Variants in TMOD1 observed in about 807,000 individuals in gnomAD.
TMOD1 encodes tropomodulin-1.
Under a neutral mutation model 40.6 loss-of-function variants are expected in TMOD1, and 17 were observed. The ratio of observed to expected loss-of-function variants is 0.42; its 90% CI spans 0.29 to 0.63. TMOD1 has a LOEUF of 0.63. TMOD1 is among the 20% of genes least tolerant of loss of function. The probability of loss-of-function intolerance (pLI) is 0.22; values close to 1 mark genes in which losing one functional copy is unlikely to be tolerated. For synonymous variants in TMOD1, 181 were observed against 175.0 expected (o/e 1.03, Z -0.27); for missense variants, 391 against 447.6 (o/e 0.87, Z 1.14).
intron 1 of TMOD1, among the ~76,000 whole-genome samples, chr9:97,507,907 G>A (rs1229136840): frequency 6.6e-6 from 1 of 152,170 alleles, no homozygotes; most frequent in Non-Finnish European, 1.5e-5. Flanking sequence ...ACTAGACAGA[G>A]GGCATAGTAG....
At chr9:97,511,075 C>G (rs1829688721) in intron 1 of TMOD1, among the ~76,000 whole-genome samples, 1 of 118,980 alleles carries the variant, frequency 8.4e-6, no homozygotes, top group Non-Finnish European at 1.7e-5. Context: ...CGCGCGCACA[C>G]ACACACACAG....
At chr9:97,538,441 AGATTG>A (rs1245649648) in intron 2 of TMOD1, among the ~76,000 whole-genome samples, 1 of 148,838 alleles carries the variant, frequency 6.7e-6, no homozygotes, top group Non-Finnish European at 1.5e-5. Context: ...TGGTGGAGTC[AGATTG>A]ATGCTTCCCT....
chr9:97,592,733 C>G (rs1478792679), intron 9 of TMOD1, among the ~76,000 whole-genome samples: 2 of 151,678 alleles, frequency 1.3e-5, no homozygotes, highest in Non-Finnish European at 2.9e-5. Context: ...CACAGGATTA[C>G]ACACACACAC....
chr9:97,560,862 C>CA (rs997852783), intron 4 of TMOD1, among the ~76,000 whole-genome samples: 21 of 146,302 alleles, frequency 1.4e-4, no homozygotes, highest in Non-Finnish European at 2.0e-4. Flanking sequence ...GACTCCATCT[C>CA]AAAAAAAAAA....
chr9:97,531,369 TTG>T (rs1416986750), intron 2 of TMOD1, among the ~76,000 whole-genome samples: 1 of 151,986 alleles, frequency 6.6e-6, no homozygotes, highest in Non-Finnish European at 1.5e-5. Flanking sequence ...TCAGCAGTTT[TTG>T]GGGCCAAGGC....
In TMOD1 at chr9:97,600,210, C is replaced by A; in HGVS notation, c.*512C>A. ...TCGATTAAAGTTGCCAAATTGATTA[C>A]TGGATCCAGAACACAATTTTCCCCT... is the stretch of plus-strand genomic sequence containing the variant. On this transcript the variant is annotated 3_prime_UTR_variant, in exon 10 of 10. Transcript: ENST00000259365. The A allele has an allele frequency of 1.0e-6, 1 of 995,232 alleles. No individual in the cohort carries two copies. Among genetic ancestry groups the A allele is most frequent in the Non-Finnish European group, 1.2e-6 (1 of 834,810 alleles). 61.7% of individuals were successfully genotyped at this position (995,232 alleles called of 1,614,324 possible).
chr9:97,600,003 C>A lies in TMOD1; in HGVS notation c.*305C>A. ...CAGCAGCGACTTAGCCCCAGGAGCC[C>A]AGTTTCAATGGCCTTGCTGTGTGGT... On this transcript the variant is annotated 3_prime_UTR_variant, in exon 10 of 10. Coordinates refer to ENST00000259365, the MANE Select transcript of TMOD1 (RefSeq NM_003275.4). 8.5e-7 allele frequency: 1 copy of A among 1,172,678 alleles called. No individual in the cohort carries two copies. Among genetic ancestry groups the A allele is most frequent in the Non-Finnish European group, 1.1e-6 (1 of 940,682 alleles). 72.6% of individuals were successfully genotyped at this position (1,172,678 alleles called of 1,614,324 possible).
rs1342727967 is a variant in TMOD1 at position 97,601,109 on chromosome 9, T to C, written c.*1411T>C. On this transcript the variant is annotated 3_prime_UTR_variant, in exon 10 of 10. Transcript: ENST00000259365. Reference sequence around the variant, plus strand: ...CCAGGGCCTCAGCGCTATGGAAGAGTGTCCACTGAGGCTGCACATGGCCCA... The same window carrying C: ...CCAGGGCCTCAGCGCTATGGAAGAGCGTCCACTGAGGCTGCACATGGCCCA... The C allele has an allele frequency of 2.6e-5, 34 of 1,303,918 alleles. No individual in the cohort carries two copies. The highest frequency in any genetic ancestry group is 3.3e-5 in the Non-Finnish European group (33 of 988,882). 80.8% of individuals were successfully genotyped at this position (1,303,918 alleles called of 1,614,324 possible). A position where few individuals can be genotyped will look rare whatever the true frequency, so the allele number is the denominator to read the frequency against.
At position 97,601,583 on chromosome 9, in the gene TMOD1, C is replaced by T; in HGVS notation, c.*1885C>T. 1.0e-6 allele frequency: 1 copy of T among 987,454 alleles called. No homozygotes were observed. Among genetic ancestry groups the T allele is most frequent in the Non-Finnish European group, 1.2e-6 (1 of 831,358 alleles). 61.2% of individuals were successfully genotyped at this position (987,454 alleles called of 1,614,324 possible). A position where few individuals can be genotyped will look rare whatever the true frequency, so the allele number is the denominator to read the frequency against. ...TGCCTCTATCAGATGAGCTGCTGGT[C>T]TAGATCAGGGGCTGGCAAACTTTTC... On this transcript the variant is annotated 3_prime_UTR_variant, in exon 10 of 10. Coordinates refer to ENST00000259365, the MANE Select transcript of TMOD1 (RefSeq NM_003275.4).
At chr9:97,536,337 T>C (rs1830184151) in intron 2 of TMOD1, among the ~76,000 whole-genome samples, 1 of 152,200 alleles carries the variant, frequency 6.6e-6, no homozygotes, top group South Asian at 2.1e-4. Context: ...TGGCCTGGCC[T>C]GGCCTGATGT....
At chr9:97,554,983 C>T (rs1830513883) in intron 4 of TMOD1, among the ~76,000 whole-genome samples, 1 of 120,034 alleles carries the variant, frequency 8.3e-6, no homozygotes, top group Non-Finnish European at 1.9e-5. Flanking sequence ...ATCCCAAGTC[C>T]AGACAGCCCT....
intron 8 of TMOD1, among the ~76,000 whole-genome samples, chr9:97,571,416 A>G (rs115679901): frequency 2.7e-4 from 41 of 152,338 alleles, no homozygotes; most frequent in African/African-American, 9.4e-4. Flanking sequence ...AATGAGGATT[A>G]TAAGAATCTC....
Position 97,599,985 on chromosome 9 carries a change from G to C in TMOD1, c.*287G>C, listed in dbSNP as rs1246127113. On this transcript the variant is annotated 3_prime_UTR_variant, in exon 10 of 10. Transcript: ENST00000259365. ...CTGAAGATGATGTTCCAGCAGCAGC[G>C]ACTTAGCCCCAGGAGCCCAGTTTCA... 2 of 1,196,036 alleles carry C rather than the reference G, an allele frequency of 1.7e-6. No individual in the cohort carries two copies. The highest frequency in any genetic ancestry group is 2.1e-6 in the Non-Finnish European group (2 of 955,176). The allele number at this position is 1,196,036 out of a possible 1,614,324, so 74.1% of individuals were successfully genotyped here. A position where few individuals can be genotyped will look rare whatever the true frequency, so the allele number is the denominator to read the frequency against.
Position 97,534,057 on chromosome 9 carries a change from A to G in TMOD1, c.120+9749A>G, listed in dbSNP as rs186328381. 1.2e-3 allele frequency among the ~76,000 whole-genome samples: 181 copies of G among 152,328 alleles called. No individual in the cohort carries two copies. In the East Asian group the frequency reaches 0.014, roughly 12 times the overall value. ...AGGGGGAGGGATAAAAGAAAGGAGA[A>G]AAGCCATGATTCAAGTCCCTTTTAA... On this transcript the variant is annotated intron_variant, in intron 2 of 9. Transcript: ENST00000259365.
At chr9:97,537,917 C>T (rs1398919450) in intron 2 of TMOD1, among the ~76,000 whole-genome samples, 1 of 152,186 alleles carries the variant, frequency 6.6e-6, no homozygotes, top group East Asian at 1.9e-4. Flanking sequence ...TCAGATGTGG[C>T]ATAATGGCAG....
chr9:97,554,407 G>A (rs1011224120), intron 4 of TMOD1, among the ~76,000 whole-genome samples: 1 of 152,132 alleles, frequency 6.6e-6, no homozygotes, highest in Non-Finnish European at 1.5e-5. Flanking sequence ...GCACCTGTGG[G>A]CCACCCAAGT....
chr9:97,546,380 A>T (rs762193893), intron 3 of TMOD1, 39 bp downstream of exon 3: 1 of 1,595,180 alleles, frequency 6.3e-7, no homozygotes, highest in Non-Finnish European at 8.5e-7. Flanking sequence ...GCCACTCCCC[A>T]TGCACCATTG....
At chr9:97,515,345 T>A (rs138828806) in intron 1 of TMOD1, among the ~76,000 whole-genome samples, 1 of 152,184 alleles carries the variant, frequency 6.6e-6, no homozygotes, top group South Asian at 2.1e-4. Flanking sequence ...AATGGCATGA[T>A]CTTGGCTCAC....
chr9:97,599,974 C>T lies in TMOD1; in HGVS notation c.*276C>T, dbSNP rs1250705928. The T allele has an allele frequency of 3.4e-5, 41 of 1,214,584 alleles. No homozygotes were observed. Among genetic ancestry groups the T allele is most frequent in the East Asian group, 4.2e-5 (1 of 23,958 alleles). 75.2% of individuals were successfully genotyped at this position (1,214,584 alleles called of 1,614,324 possible). A position where few individuals can be genotyped will look rare whatever the true frequency, so the allele number is the denominator to read the frequency against. ...AGCAGATCTTACTGAAGATGATGTTCCAGCAGCAGCGACTTAGCCCCAGGA... is the reference window on the plus strand; with the variant it reads ...AGCAGATCTTACTGAAGATGATGTTTCAGCAGCAGCGACTTAGCCCCAGGA... On this transcript the variant is annotated 3_prime_UTR_variant, in exon 10 of 10. Coordinates refer to ENST00000259365, the MANE Select transcript of TMOD1 (RefSeq NM_003275.4).
Sources: allele counts gnomAD v4.1 joint callset (sites outside exome capture counted in the v4.1 genomes callset), GRCh38; gene constraint gnomAD v4.1.1; transcripts MANE v1.5; gene names NCBI Gene and HGNC (gene_info 2026-07-23, HGNC 2026-07-21).